Variants in NRXN1 observed in about 807,000 individuals in gnomAD.
NRXN1 encodes neurexin 1.
Under a neutral mutation model 150.9 loss-of-function variants are expected in NRXN1, and 39 were observed. That is an observed-to-expected ratio of 0.26 (90% CI 0.20 to 0.34). NRXN1 has a LOEUF of 0.34. Among genes scored for constraint, NRXN1 ranks in the 10% least tolerant of loss-of-function variants. The probability of loss-of-function intolerance (pLI) is 1.00; values close to 1 mark genes in which losing one functional copy is unlikely to be tolerated. For synonymous variants in NRXN1, 924 were observed against 757.0 expected, an observed-to-expected ratio of 1.22 and a Z score of -3.62; for missense variants, 1,815 against 1,949.9, an observed-to-expected ratio of 0.93 and a Z score of 1.30.
intron 8 of NRXN1, among the ~76,000 whole-genome samples, chr2:50,603,065 G>A (rs1367412165): frequency 1.3e-5 from 2 of 152,146 alleles, no homozygotes; most frequent in Admixed American, 6.5e-5. Context: ...CTGTTCACAA[G>A]CACCATACCT....
chr2:50,697,398 C>T (rs1693069059), intron 5 of NRXN1, among the ~76,000 whole-genome samples: 1 of 151,908 alleles, frequency 6.6e-6, no homozygotes, highest in Non-Finnish European at 1.5e-5. Flanking sequence ...GTGTTAAGAC[C>T]TTGAAATACT....
At chr2:50,495,731 T>C (rs1048114238) in intron 15 of NRXN1, among the ~76,000 whole-genome samples, 174 bp downstream of exon 15, 1 of 152,162 alleles carries the variant, frequency 6.6e-6, no homozygotes, top group Non-Finnish European at 1.5e-5. Flanking sequence ...CATAGGTTCC[T>C]ACCACATTAA....
intron 19 of NRXN1, among the ~76,000 whole-genome samples, chr2:50,083,863 T>C (rs1296148136): frequency 6.6e-6 from 1 of 152,090 alleles, no homozygotes; most frequent in Non-Finnish European, 1.5e-5. Context: ...GAGTGCTGAT[T>C]GGTGTATTCA....
chr2:50,646,517 C>T (rs1684832764), intron 5 of NRXN1, among the ~76,000 whole-genome samples: 1 of 152,088 alleles, frequency 6.6e-6, no homozygotes, highest in South Asian at 2.1e-4. Context: ...CAAGATGAAA[C>T]TGAGGAGAAC....
intron 5 of NRXN1, among the ~76,000 whole-genome samples, chr2:50,894,647 T>C (rs1342053393): frequency 6.6e-6 from 1 of 152,082 alleles, no homozygotes; most frequent in East Asian, 1.9e-4. Context: ...GAGATTAACA[T>C]AAAAATTAGT....
chr2:50,830,106 T>C (rs1263356058), intron 5 of NRXN1, among the ~76,000 whole-genome samples: 2 of 148,866 alleles, frequency 1.3e-5, no homozygotes, highest in African/African-American at 5.0e-5. Flanking sequence ...TAATTGGCAC[T>C]AGGGCATTGT....
chr2:49,957,324 G>A (rs1168987632), intron 21 of NRXN1, among the ~76,000 whole-genome samples: 1 of 152,102 alleles, frequency 6.6e-6, no homozygotes, highest in African/African-American at 2.4e-5. Flanking sequence ...ATCTAGCACA[G>A]TAGCTGGTAT....
At chr2:50,530,938 C>G (rs1365157059) in intron 11 of NRXN1, among the ~76,000 whole-genome samples, 1 of 152,092 alleles carries the variant, frequency 6.6e-6, no homozygotes, top group Non-Finnish European at 1.5e-5. Context: ...TTGAGGCAAC[C>G]TCAGGCTTAA....
chr2:51,023,798 G>A (rs1669999850), intron 2 of NRXN1, among the ~76,000 whole-genome samples: 1 of 152,280 alleles, frequency 6.6e-6, no homozygotes, highest in South Asian at 2.1e-4. Flanking sequence ...ATGAATGAAT[G>A]AGTGAATGTG....
At chr2:49,996,759 G>A in intron 21 of NRXN1, among the ~76,000 whole-genome samples, 1 of 152,178 alleles carries the variant, frequency 6.6e-6, no homozygotes, top group Non-Finnish European at 1.5e-5. Context: ...AAGGAATGCA[G>A]CTGCCCTGCC....
intron 5 of NRXN1, among the ~76,000 whole-genome samples, chr2:50,773,920 G>C: frequency 6.6e-6 from 1 of 152,074 alleles, no homozygotes. Context: ...ACAGAACACT[G>C]ATGAGAAGAA....
intron 18 of NRXN1, among the ~76,000 whole-genome samples, chr2:50,224,763 T>C (rs867294000): frequency 1.3e-5 from 2 of 149,976 alleles, no homozygotes; most frequent in South Asian, 2.1e-4. Context: ...TAGTGGAGAT[T>C]GATCATCTCT....
chr2:51,007,279 A>C (rs1353462811), intron 2 of NRXN1, among the ~76,000 whole-genome samples: 1 of 151,982 alleles, frequency 6.6e-6, no homozygotes, highest in East Asian at 1.9e-4. Flanking sequence ...GGTATTCAAA[A>C]AAAATTATTG....
At chr2:50,633,437 T>C (rs769336928) in intron 5 of NRXN1, among the ~76,000 whole-genome samples, 9 of 152,064 alleles carry the variant, frequency 5.9e-5, no homozygotes, top group Non-Finnish European at 1.3e-4. Flanking sequence ...TCATGCTGGA[T>C]GGGAAGAAAT....
chr2:50,110,469 G>A (rs1185363025), intron 18 of NRXN1, among the ~76,000 whole-genome samples: 1 of 145,482 alleles, frequency 6.9e-6, no homozygotes, highest in Non-Finnish European at 1.5e-5. Context: ...TCCAGCCTGG[G>A]CGACAGAGTG....
At position 50,527,611 on chromosome 2, in the gene NRXN1, G is replaced by C. The variant is rs115738831; in HGVS notation, c.2374+1014C>G. Among the ~76,000 whole-genome samples, 1,127 of 152,128 alleles carry C rather than the reference G, an allele frequency of 7.4e-3. 15 individuals are homozygous for C. Among genetic ancestry groups the C allele is most frequent in the African/African-American group, 0.025 (1,033 of 41,496 alleles). On this transcript the variant is annotated intron_variant, in intron 12 of 22. Transcript: ENST00000401669. The stretch of plus-strand genomic sequence containing the variant: ...GTGGATAGAATTATGAGTTGTAAGA[G>C]GCACAGTGTTTGAAACAGTACGTAT...
intron 18 of NRXN1, among the ~76,000 whole-genome samples, chr2:50,126,170 A>C (rs1160484110): frequency 1.3e-5 from 2 of 152,158 alleles, no homozygotes; most frequent in African/African-American, 4.8e-5. Flanking sequence ...TACAATTTTA[A>C]TACAGAAATT....
intron 17 of NRXN1, among the ~76,000 whole-genome samples, chr2:50,412,669 T>TA (rs1228760472): frequency 1.3e-5 from 2 of 152,170 alleles, no homozygotes; most frequent in African/African-American, 4.8e-5. Context: ...GAAATAATTA[T>TA]AAAAAATTAA....
In NRXN1 at chr2:50,272,463, G is replaced by C. The variant is rs562948297; in HGVS notation, c.3365-35493C>G. Among the ~76,000 whole-genome samples the C allele has an allele frequency of 6.6e-5, 10 of 152,256 alleles. No homozygotes were observed. In the South Asian group the frequency reaches 1.9e-3, roughly 28 times the overall value. On this transcript the variant is annotated intron_variant, in intron 17 of 22. Transcript: ENST00000401669. ...ATTGAACAACTGGAGGTAGAAAAAAGTGGCAAACAGAAAATAAATACCAAA... is the reference window on the plus strand; with the variant it reads ...ATTGAACAACTGGAGGTAGAAAAAACTGGCAAACAGAAAATAAATACCAAA...
Sources: gnomAD v4.1 joint callset for allele counts (sites outside exome capture counted in the v4.1 genomes callset) on GRCh38, gnomAD v4.1.1 for gene constraint, MANE v1.5 for transcripts, NCBI Gene and HGNC (gene_info 2026-07-23, HGNC 2026-07-21) for gene names.